MCF2L2: variants seen among roughly 807,000 people sequenced by gnomAD.
The protein encoded by MCF2L2 is MCF.2 cell line derived transforming sequence-like 2, also known as probable guanine nucleotide exchange factor MCF2L2.
Under a neutral mutation model 150.2 loss-of-function variants are expected in MCF2L2, and 102 were observed. That is an observed-to-expected ratio of 0.68 (90% CI 0.58 to 0.80). MCF2L2 has a LOEUF of 0.80. Among genes scored for constraint, MCF2L2 ranks in the 30% least tolerant of loss-of-function variants. The pLI, the probability that MCF2L2 is intolerant of heterozygous loss-of-function variation, is 0.00. For synonymous variants in MCF2L2, 465 were observed against 491.3 expected, an observed-to-expected ratio of 0.95 and a Z score of 0.71; for missense variants, 1,256 against 1,372.8, an observed-to-expected ratio of 0.91 and a Z score of 1.34.
intron 15 of MCF2L2, among the ~76,000 whole-genome samples, chr3:183,262,742 G>A (rs1358651455): frequency 2.0e-5 from 3 of 151,506 alleles, no homozygotes; most frequent in Non-Finnish European, 4.4e-5. Context: ...CCTGGGAGGG[G>A]GAGATTTAGC....
chr3:183,368,712 C>G (rs773589632), intron 3 of MCF2L2, among the ~76,000 whole-genome samples: 1 of 152,108 alleles, frequency 6.6e-6, no homozygotes. Context: ...TGCAGTGAGC[C>G]GAGATTGTGC....
intron 18 of MCF2L2, chr3:183,224,750 G>C (rs1405451308): frequency 6.6e-6 from 1 of 152,516 alleles, no homozygotes; most frequent in African/African-American, 2.4e-5. Flanking sequence ...AAAGTGACAG[G>C]CTCCGCCTCA....
chr3:183,229,554 C>T, intron 17 of MCF2L2, 112 bp downstream of exon 17: 1 of 573,786 alleles, frequency 1.7e-6, no homozygotes, highest in Non-Finnish European at 3.1e-6. Context: ...GACTCCAAAC[C>T]ACTTGCTTAA....
chr3:183,179,407 G>C lies in MCF2L2; in HGVS notation c.3318C>G (p.Arg1106=). 1.3e-6 allele frequency: 2 copies of C among 1,559,750 alleles called. No individual in the cohort carries two copies. The highest frequency in any genetic ancestry group is 1.7e-6 in the Non-Finnish European group (2 of 1,151,852). ...ATAGFQARAL[R]PRTSAQES is the part of the protein sequence containing the mutation. ...AGCTCTCCTGGGCGGAGGTCCTCGG[G>C]CGCAGCGCCCTCGCCTGGAAACCAG... The change falls in exon 30 of 30, where the codon CGC becomes CGG. Residue 1106 remains arginine, a synonymous_variant. Coordinates refer to ENST00000328913, the MANE Select transcript of MCF2L2 (RefSeq NM_015078.4). This position sits in a 1 kb window ranked among gnomAD's most constrained non-coding sequence, Gnocchi z 4.2.
intron 3 of MCF2L2, among the ~76,000 whole-genome samples, chr3:183,352,598 T>C (rs921369207): frequency 2.0e-5 from 3 of 152,056 alleles, no homozygotes; most frequent in African/African-American, 7.2e-5. Context: ...CCCAAGCCAA[T>C]GGAGAGAAGC....
chr3:183,298,972 TG>T (rs1728700826), intron 11 of MCF2L2: 1 of 152,260 alleles, frequency 6.6e-6, no homozygotes. Flanking sequence ...AGCGCCTGGG[TG>T]GGTGCCCCCT....
intron 5 of MCF2L2, among the ~76,000 whole-genome samples, chr3:183,333,967 A>G (rs942051160): frequency 7.3e-6 from 1 of 136,776 alleles, no homozygotes; most frequent in Non-Finnish European, 1.5e-5. Context: ...GTGCCAAAAA[A>G]AAAAAAAAAA....
intron 25 of MCF2L2, 63 bp from the exon 26 acceptor site, chr3:183,195,318 A>G (rs1722045137): frequency 8.6e-7 from 1 of 1,168,958 alleles, no homozygotes; most frequent in Non-Finnish European, 1.3e-6. Context: ...TTGATTTTAC[A>G]TAGTGATTTT....
At chr3:183,415,081 G>C (rs1185448924) in intron 1 of MCF2L2, among the ~76,000 whole-genome samples, 3 of 152,212 alleles carry the variant, frequency 2.0e-5, no homozygotes, top group East Asian at 3.9e-4. Context: ...GATTTACAGT[G>C]TTGTGTAGGT....
chr3:183,357,624 A>C (rs1343674163), intron 3 of MCF2L2, among the ~76,000 whole-genome samples: 1 of 152,186 alleles, frequency 6.6e-6, no homozygotes, highest in Non-Finnish European at 1.5e-5. Flanking sequence ...AAGGGGAAAA[A>C]GACTGTCCGG....
chr3:183,254,041 T>C (rs929694669), intron 15 of MCF2L2: 5 of 152,048 alleles, frequency 3.3e-5, no homozygotes, highest in East Asian at 3.9e-4. Flanking sequence ...GCTCCCGGCA[T>C]TGGGGGCTGC....
At position 183,181,343 on chromosome 3, in the gene MCF2L2, C is replaced by T. The variant is rs1016024625; in HGVS notation, c.3017-1184G>A. 4.6e-5 allele frequency among the ~76,000 whole-genome samples: 7 copies of T among 152,072 alleles called. No individual in the cohort carries two copies. The highest frequency in any genetic ancestry group is 7.2e-5 in the African/African-American group (3 of 41,402). ...GGGGCGGGGGGGCAGCTGGGCAGCA[C>T]CTCCCTGGAGGCCCCTCTGAAATCC... On this transcript the variant is annotated intron_variant, in intron 27 of 29. Coordinates refer to ENST00000328913, the MANE Select transcript of MCF2L2 (RefSeq NM_015078.4). The surrounding 1 kb of genome is among the most constrained non-coding windows in gnomAD (Gnocchi z 4.3).
In MCF2L2 at chr3:183,206,932, A is replaced by T. The variant is rs1722499408; in HGVS notation, c.2712+676T>A. Among the ~76,000 whole-genome samples the T allele has an allele frequency of 1.5e-4, 5 of 33,578 alleles. No individual in the cohort carries two copies. The South Asian group carries it at 8.6e-3, about 58-fold the overall frequency. 22.0% of individuals were successfully genotyped at this position (33,578 alleles called of 152,430 possible). A position where few individuals can be genotyped will look rare whatever the true frequency, so the allele number is the denominator to read the frequency against. On this transcript the variant is annotated intron_variant, in intron 23 of 29. Transcript: ENST00000328913. ...AAGAAAGAAAGGAAGGAAGGAAGGA[A>T]GGAAGGAAGGAAGGAAGGAAGGAAG...
At chr3:183,409,373 G>C (rs763977776) in intron 1 of MCF2L2, among the ~76,000 whole-genome samples, 1 of 152,114 alleles carries the variant, frequency 6.6e-6, no homozygotes, top group Non-Finnish European at 1.5e-5. Context: ...CCTGACTTTT[G>C]ATTCTGACGT....
chr3:183,187,238 C>T (rs1298298262), intron 27 of MCF2L2, among the ~76,000 whole-genome samples: 1 of 152,152 alleles, frequency 6.6e-6, no homozygotes, highest in Non-Finnish European at 1.5e-5. Context: ...CCGGATAGCT[C>T]CTAGGCCCCC....
chr3:183,289,361 G>A (rs1727988378), intron 13 of MCF2L2, 141 bp from the exon 14 acceptor site: 1 of 604,750 alleles, frequency 1.7e-6, no homozygotes, highest in African/African-American at 1.9e-5. Flanking sequence ...TGATTTCCTA[G>A]GGCTGGATGA....
At chr3:183,249,274 A>G (rs948921603) in intron 15 of MCF2L2, among the ~76,000 whole-genome samples, 2 of 152,148 alleles carry the variant, frequency 1.3e-5, no homozygotes, top group Non-Finnish European at 2.9e-5. Flanking sequence ...CTGCTGGGAA[A>G]AGGAGAAGAA....
chr3:183,347,725 C>A (rs1034507598), intron 3 of MCF2L2, among the ~76,000 whole-genome samples: 2 of 152,060 alleles, frequency 1.3e-5, no homozygotes, highest in African/African-American at 4.8e-5. Flanking sequence ...ACAACCTCAT[C>A]AAAAAGTGGG....
In MCF2L2 at chr3:183,180,070, C is replaced by T. The variant is rs1172766955; in HGVS notation, c.3105+1G>A. 6.2e-7 allele frequency: 1 copy of T among 1,610,792 alleles called. No homozygotes were observed. The highest frequency in any genetic ancestry group is 8.5e-7 in the Non-Finnish European group (1 of 1,177,056). Reference sequence around the variant, plus strand: ...GAAAGAAACAAAAGGGAAGTAATTACACTCAGAGCACTGCTCTCCTTTTCC... The same window carrying T: ...GAAAGAAACAAAAGGGAAGTAATTATACTCAGAGCACTGCTCTCCTTTTCC... On this transcript the variant is annotated splice_donor_variant, in intron 28 of 29. Transcript: ENST00000328913. LOFTEE classifies it high-confidence loss of function.
Sources: gnomAD v4.1 joint callset for allele counts (sites outside exome capture counted in the v4.1 genomes callset) on GRCh38, gnomAD v4.1.1 for gene constraint, Gnocchi (gnomAD v3.1) non-coding constraint, MANE v1.5 for transcripts, NCBI Gene and HGNC (gene_info 2026-07-23, HGNC 2026-07-21) for gene names.